Variants in SLCO1C1 observed in about 807,000 individuals in gnomAD.
SLCO1C1 encodes the protein solute carrier organic anion transporter family member 1C1.
In SLCO1C1, 70 loss-of-function variants were observed where a neutral mutation model predicts 76.4. The ratio of observed to expected loss-of-function variants is 0.92; its 90% CI spans 0.76 to 1.12. The LOEUF (loss-of-function observed/expected upper bound fraction) is 1.12. SLCO1C1 is among the 50% of genes most tolerant of loss of function. The pLI is 0.00. For synonymous variants in SLCO1C1, 306 were observed against 286.1 expected (o/e 1.07, Z -0.70); for missense variants, 912 against 823.8 (o/e 1.11, Z -1.31).
At chr12:20,699,879 C>A in intron 2 of SLCO1C1, 174 bp downstream of exon 2, 2 of 588,852 alleles carry the variant, frequency 3.4e-6, no homozygotes, top group Non-Finnish European at 5.3e-6. Flanking sequence ...TCTACCTGAC[C>A]ATGTGGGTTA....
rs543270446 is a variant in SLCO1C1 at position 20,703,469 on chromosome 12, T to C, written c.271+2010T>C. On this transcript the variant is annotated intron_variant, in intron 3 of 14. Coordinates refer to ENST00000266509, the MANE Select transcript of SLCO1C1 (RefSeq NM_017435.5). Reference sequence around the variant, plus strand: ...CAGAACTGTGTTGAAGAGAAGCATTTACAATGGACATCTTTCTCTTGTGTT... The same window carrying C: ...CAGAACTGTGTTGAAGAGAAGCATTCACAATGGACATCTTTCTCTTGTGTT... Among the ~76,000 whole-genome samples the C allele has an allele frequency of 2.0e-4, 31 of 151,996 alleles. No individual in the cohort carries two copies. In the East Asian group the frequency reaches 6.0e-3, roughly 29 times the overall value.
At chr12:20,717,458 T>C (rs1947417928) in intron 7 of SLCO1C1, among the ~76,000 whole-genome samples, 1 of 151,844 alleles carries the variant, frequency 6.6e-6, no homozygotes. Flanking sequence ...AAGATCTATC[T>C]TTTTTCACTT....
chr12:20,720,371 T>G (rs1947604354), intron 7 of SLCO1C1, among the ~76,000 whole-genome samples: 1 of 152,222 alleles, frequency 6.6e-6, no homozygotes, highest in East Asian at 1.9e-4. Flanking sequence ...AGTCTTATTA[T>G]TTAAGAAACG....
rs763568686 is a variant in SLCO1C1 at position 20,715,334 on chromosome 12, T to C, written c.676+49T>C. Reference sequence around the variant, plus strand: ...TTATCTTCTTGGGAAGCAGGGTGTCTAGTTTTCTGAATTCCCCTCTATGCT... The same window carrying C: ...TTATCTTCTTGGGAAGCAGGGTGTCCAGTTTTCTGAATTCCCCTCTATGCT... On this transcript the variant is annotated intron_variant, in intron 6 of 14. Transcript: ENST00000266509. 3.1e-6 allele frequency: 5 copies of C among 1,599,246 alleles called. No individual in the cohort carries two copies. In the South Asian group the frequency reaches 5.6e-5, roughly 18 times the overall value.
At chr12:20,725,334 A>C (rs1341294683) in intron 9 of SLCO1C1, among the ~76,000 whole-genome samples, 3 of 144,242 alleles carry the variant, frequency 2.1e-5, no homozygotes, top group African/African-American at 7.6e-5. Context: ...ATAGTATTAT[A>C]TGCTATATTA....
intron 11 of SLCO1C1, among the ~76,000 whole-genome samples, 170 bp from the exon 12 acceptor site, chr12:20,740,014 G>T (rs892508533): frequency 9.9e-5 from 15 of 152,088 alleles, no homozygotes; most frequent in African/African-American, 3.6e-4. Context: ...ATGAAATGTT[G>T]TATCTATATA....
At chr12:20,701,205 G>T in intron 2 of SLCO1C1, 113 bp from the exon 3 acceptor site, 1 of 1,058,398 alleles carries the variant, frequency 9.4e-7, no homozygotes, top group South Asian at 3.3e-5. Context: ...TAATAAAGTT[G>T]ATATTATACA....
At chr12:20,746,096 CT>C (rs960713832) in intron 13 of SLCO1C1, among the ~76,000 whole-genome samples, 2 of 151,862 alleles carry the variant, frequency 1.3e-5, no homozygotes, top group Non-Finnish European at 2.9e-5. Context: ...GATTATGGGA[CT>C]TTTTTTATAC....
At chr12:20,701,883 G>T (rs547457616) in intron 3 of SLCO1C1, among the ~76,000 whole-genome samples, 1 of 152,008 alleles carries the variant, frequency 6.6e-6, no homozygotes, top group South Asian at 2.1e-4. Context: ...ATGATGAATA[G>T]AAGTTACATC....
At chr12:20,733,223 T>C in intron 10 of SLCO1C1, 119 bp downstream of exon 10, 1 of 931,706 alleles carries the variant, frequency 1.1e-6, no homozygotes, top group Non-Finnish European at 1.5e-6. Context: ...AGCAACTTAG[T>C]ATTTTATTGT....
At chr12:20,706,895 A>T (rs555256808) in intron 4 of SLCO1C1, among the ~76,000 whole-genome samples, 2 of 152,250 alleles carry the variant, frequency 1.3e-5, no homozygotes, top group South Asian at 2.1e-4. Flanking sequence ...AAGGTTTTGG[A>T]GTAAGAGAAT....
intron 9 of SLCO1C1, among the ~76,000 whole-genome samples, chr12:20,726,464 A>G (rs538559800): frequency 6.6e-6 from 1 of 152,218 alleles, no homozygotes; most frequent in Non-Finnish European, 1.5e-5. Context: ...TGTTAGCCAC[A>G]TTCTTTCTAA....
chr12:20,740,787 T>TTATTTATATATATATA (rs1948772313), intron 12 of SLCO1C1, among the ~76,000 whole-genome samples: 1 of 75,058 alleles, frequency 1.3e-5, no homozygotes, highest in Non-Finnish European at 2.4e-5. Flanking sequence ...TTTATTTTAT[T>TTATTTATATATATATA]TATATATATA....
chr12:20,752,909 T>C lies in SLCO1C1; in HGVS notation c.*381T>C, dbSNP rs1268777184. On this transcript the variant is annotated 3_prime_UTR_variant, in exon 15 of 15. Transcript: ENST00000266509. ...TGTGTCTAGAGTAAGCAAATACTGCTAACAATTAACTCATACCTTGGGTTC... is the reference window on the plus strand; with the variant it reads ...TGTGTCTAGAGTAAGCAAATACTGCCAACAATTAACTCATACCTTGGGTTC... 1 of 153,820 alleles carries C rather than the reference T, an allele frequency of 6.5e-6. No individual in the cohort carries two copies. The highest frequency in any genetic ancestry group is 1.4e-5 in the Non-Finnish European group (1 of 69,146). 9.5% of individuals were successfully genotyped at this position (153,820 alleles called of 1,614,324 possible). A position where few individuals can be genotyped will look rare whatever the true frequency, so the allele number is the denominator to read the frequency against.
chr12:20,716,740 T>C (rs961214016), intron 6 of SLCO1C1, among the ~76,000 whole-genome samples: 24 of 142,558 alleles, frequency 1.7e-4, no homozygotes, highest in Non-Finnish European at 2.7e-4. Flanking sequence ...AGAAATCCAT[T>C]TGAATGTCAA....
At chr12:20,719,746 G>T (rs1246015525) in intron 7 of SLCO1C1, among the ~76,000 whole-genome samples, 3 of 152,200 alleles carry the variant, frequency 2.0e-5, no homozygotes, top group African/African-American at 7.2e-5. Flanking sequence ...GGCGCAAACA[G>T]GTTCATGAGG....
chr12:20,734,681 A>G (rs533403708), intron 10 of SLCO1C1, among the ~76,000 whole-genome samples: 1 of 152,218 alleles, frequency 6.6e-6, no homozygotes, highest in Non-Finnish European at 1.5e-5. Context: ...CACAAAGCAG[A>G]CAACAAAAGC....
rs540865154 is a variant in SLCO1C1, at chr12:20,739,740, G to A, written c.1549-444G>A. Reference sequence around the variant, plus strand: ...ATGCAAGTATGATGAGAAACCACTGGCAGGTTGAGGGTAGTGATGCAGTCT... The same window carrying A: ...ATGCAAGTATGATGAGAAACCACTGACAGGTTGAGGGTAGTGATGCAGTCT... On this transcript the variant is annotated intron_variant, in intron 11 of 14. Coordinates refer to ENST00000266509, the MANE Select transcript of SLCO1C1 (RefSeq NM_017435.5). Among the ~76,000 whole-genome samples the A allele has an allele frequency of 4.2e-4, 64 of 152,274 alleles. No individual in the cohort carries two copies. In the South Asian group the frequency reaches 0.013, roughly 31 times the overall value.
At chr12:20,747,683 A>G (rs1439478564) in intron 13 of SLCO1C1, among the ~76,000 whole-genome samples, 1 of 152,154 alleles carries the variant, frequency 6.6e-6, no homozygotes, top group Non-Finnish European at 1.5e-5. Context: ...TAAGTGGTAA[A>G]TCATATATTT....
Sources: allele counts gnomAD v4.1 joint callset (sites outside exome capture counted in the v4.1 genomes callset), GRCh38; gene constraint gnomAD v4.1.1; transcripts MANE v1.5; gene names NCBI Gene and HGNC (gene_info 2026-07-23, HGNC 2026-07-21).